The following GPR39 variants were observed in gnomAD, a reference collection of about 807,000 sequenced individuals.
GPR39 encodes G protein-coupled receptor 39.
A neutral mutation model predicts 18.4 loss-of-function variants in GPR39; 23 were observed. The observed-to-expected ratio is 1.25, with a 90% CI of 0.90 to 1.77. The LOEUF (loss-of-function observed/expected upper bound fraction) is 1.77, where lower values mean the gene tolerates loss of function less well. Among genes scored for constraint, GPR39 ranks in the 40% most tolerant of loss-of-function variants. GPR39 has a pLI of 0.00. For synonymous variants in GPR39, 280 were observed against 257.9 expected (o/e 1.09, Z -0.82); for missense variants, 647 against 602.4 (o/e 1.07, Z -0.78).
chr2:132,427,260 G>T (rs1210415709), intron 1 of GPR39, among the ~76,000 whole-genome samples: 3 of 147,266 alleles, frequency 2.0e-5, no homozygotes, highest in African/African-American at 7.5e-5. Flanking sequence ...TGCCTCCCAG[G>T]TTCATGCCAT....
chr2:132,620,961 C>T (rs1304238218), intron 1 of GPR39, among the ~76,000 whole-genome samples: 1 of 152,098 alleles, frequency 6.6e-6, no homozygotes, highest in Non-Finnish European at 1.5e-5. Context: ...ATTGTGTTAG[C>T]CAGGATGGTC....
intron 1 of GPR39, among the ~76,000 whole-genome samples, chr2:132,540,218 A>G (rs1171170468): frequency 6.6e-6 from 1 of 151,388 alleles, no homozygotes; most frequent in Non-Finnish European, 1.5e-5. Flanking sequence ...CAAAATATAA[A>G]ACTTAAAATT....
chr2:132,423,465 T>C (rs1015865497), intron 1 of GPR39, among the ~76,000 whole-genome samples: 6 of 152,186 alleles, frequency 3.9e-5, no homozygotes, highest in Non-Finnish European at 5.9e-5. Flanking sequence ...GGGACACAGT[T>C]CAGTTTATAA....
chr2:132,487,139 C>T (rs1681357778), intron 1 of GPR39, among the ~76,000 whole-genome samples: 1 of 152,158 alleles, frequency 6.6e-6, no homozygotes, highest in African/African-American at 2.4e-5. Context: ...ACACACACAA[C>T]ATTCATTAAG....
chr2:132,441,492 T>TC (rs1680438568), intron 1 of GPR39, among the ~76,000 whole-genome samples: 1 of 152,108 alleles, frequency 6.6e-6, no homozygotes, highest in South Asian at 2.1e-4. Flanking sequence ...CCCCTTCAAG[T>TC]CAGGGAGTCA....
chr2:132,513,299 C>T (rs1262695233), intron 1 of GPR39, among the ~76,000 whole-genome samples: 1 of 16,212 alleles, frequency 6.2e-5, no homozygotes, highest in Non-Finnish European at 4.2e-3. Context: ...CCCGTCTCTA[C>T]TAAAATACAA....
At chr2:132,479,091 A>C (rs1294557703) in intron 1 of GPR39, among the ~76,000 whole-genome samples, 1 of 152,238 alleles carries the variant, frequency 6.6e-6, no homozygotes, top group Non-Finnish European at 1.5e-5. Flanking sequence ...TTAAAATTGC[A>C]GGCATTTTGA....
chr2:132,506,244 G>T (rs1679134278), intron 1 of GPR39, among the ~76,000 whole-genome samples: 1 of 151,576 alleles, frequency 6.6e-6, no homozygotes, highest in African/African-American at 2.4e-5. Context: ...CTTTTTAATG[G>T]GGTTGTTTGT....
At chr2:132,582,504 C>G (rs1204697622) in intron 1 of GPR39, among the ~76,000 whole-genome samples, 1 of 152,178 alleles carries the variant, frequency 6.6e-6, no homozygotes, top group African/African-American at 2.4e-5. Flanking sequence ...TAGACTAGAG[C>G]TGGGGATGAA....
chr2:132,480,951 C>T (rs546115281), intron 1 of GPR39, among the ~76,000 whole-genome samples: 6 of 152,298 alleles, frequency 3.9e-5, no homozygotes, highest in Admixed American at 3.3e-4. Context: ...ATGTGGGTCT[C>T]TCAAGAGTTC....
chr2:132,546,046 A>T (rs1409851385), intron 1 of GPR39, among the ~76,000 whole-genome samples: 2 of 152,222 alleles, frequency 1.3e-5, no homozygotes, highest in Non-Finnish European at 2.9e-5. Flanking sequence ...TGGCATGAAG[A>T]ATAGTTTATC....
chr2:132,581,055 A>G (rs1284800788), intron 1 of GPR39, among the ~76,000 whole-genome samples: 2 of 152,050 alleles, frequency 1.3e-5, no homozygotes, highest in Non-Finnish European at 2.9e-5. Context: ...ATTAAAAAAA[A>G]AAAAGCATTA....
chr2:132,552,522 C>T (rs1314378922), intron 1 of GPR39, among the ~76,000 whole-genome samples: 1 of 152,112 alleles, frequency 6.6e-6, no homozygotes, highest in African/African-American at 2.4e-5. Context: ...CCAATTAAAC[C>T]TGTTTTCTTT....
intron 1 of GPR39, among the ~76,000 whole-genome samples, chr2:132,427,003 T>C (rs376886472): frequency 4.1e-4 from 62 of 151,732 alleles, no homozygotes; most frequent in African/African-American, 1.4e-3. Flanking sequence ...AACTCTGCTT[T>C]AGAAATAAAA....
At chr2:132,441,352 T>C (rs1680434904) in intron 1 of GPR39, among the ~76,000 whole-genome samples, 1 of 151,842 alleles carries the variant, frequency 6.6e-6, no homozygotes, top group Non-Finnish European at 1.5e-5. Context: ...GGATTCATTT[T>C]CCAGTACAGA....
rs138940047 is a variant in GPR39 at position 132,601,396 on chromosome 2, T to G, written c.857-43705T>G. 4.4e-3 allele frequency among the ~76,000 whole-genome samples: 673 copies of G among 152,214 alleles called. 3 individuals are homozygous for G. Among genetic ancestry groups the G allele is most frequent in the African/African-American group, 0.015 (622 of 41,540 alleles). On this transcript the variant is annotated intron_variant, in intron 1 of 1. Transcript: ENST00000329321. ...ATTTCAATAGATGCAGAAAAAGTAT[T>G]TAACACAATTTAACATTCCATCATG...
chr2:132,473,729 G>T (rs1313137207), intron 1 of GPR39, among the ~76,000 whole-genome samples: 1 of 152,194 alleles, frequency 6.6e-6, no homozygotes, highest in Non-Finnish European at 1.5e-5. Flanking sequence ...TCTGGTTTCT[G>T]CAGAGGCCAC....
At chr2:132,567,947 T>C (rs1680380265) in intron 1 of GPR39, among the ~76,000 whole-genome samples, 2 of 152,244 alleles carry the variant, frequency 1.3e-5, no homozygotes, top group East Asian at 3.9e-4. Flanking sequence ...TCTGTCATGA[T>C]TGTGAGTCCT....
chr2:132,556,198 T>G (rs958739655), intron 1 of GPR39, among the ~76,000 whole-genome samples: 32 of 152,166 alleles, frequency 2.1e-4, no homozygotes, highest in Admixed American at 1.4e-3. Context: ...GGCATATCAT[T>G]TTTAATTTGA....
Sources: allele counts gnomAD v4.1 joint callset (sites outside exome capture counted in the v4.1 genomes callset), GRCh38; gene constraint gnomAD v4.1.1; transcripts MANE v1.5; gene names NCBI Gene and HGNC (gene_info 2026-07-23, HGNC 2026-07-21).